Variants in CDK14 observed in about 807,000 individuals in gnomAD.
The protein encoded by CDK14 is cyclin dependent kinase 14.
In CDK14, 34 loss-of-function variants were observed where a neutral mutation model predicts 60.7. That is an observed-to-expected ratio of 0.56 (90% CI 0.43 to 0.75). CDK14 has a LOEUF of 0.75. Ranked by LOEUF, CDK14 falls within the 30% of genes least tolerant of loss-of-function variation. The pLI, the probability that CDK14 is intolerant of heterozygous loss-of-function variation, is 0.00. For missense variants in CDK14, 482 were observed against 564.1 expected (o/e 0.85, Z 1.47); for synonymous variants, 197 against 203.7 (o/e 0.97, Z 0.28).
intron 6 of CDK14, among the ~76,000 whole-genome samples, chr7:90,870,654 G>A (rs1791341723): frequency 6.6e-6 from 1 of 151,920 alleles, no homozygotes; most frequent in South Asian, 2.1e-4. Flanking sequence ...TCCCAGATAA[G>A]GTAAATCTAG....
chr7:90,739,965 G>A (rs560490629), intron 3 of CDK14, among the ~76,000 whole-genome samples: 14 of 152,006 alleles, frequency 9.2e-5, no homozygotes, highest in Non-Finnish European at 1.3e-4. Flanking sequence ...CTAGTCAGGC[G>A]ACTTTGAATG....
chr7:90,783,542 CA>C (rs1216485638), intron 4 of CDK14, among the ~76,000 whole-genome samples: 3 of 151,996 alleles, frequency 2.0e-5, no homozygotes, highest in Non-Finnish European at 4.4e-5. Flanking sequence ...AACCAGAATA[CA>C]TAAGGAACTC....
At position 90,899,343 on chromosome 7, in the gene CDK14, A is replaced by G. The variant is rs1233157690; in HGVS notation, c.692A>G (p.Asp231Gly). The change falls in exon 7 of 15, where the codon GAT (aspartate) becomes GGT (glycine). Residue 231 changes from aspartate to glycine, a missense_variant. Physicochemically the swap from Asp to Gly is moderately conservative, Grantham distance 94 (BLOSUM62 -1). Transcript: ENST00000380050. ...AAGCACCCTGGGGGGCTGCATCCAG[A>G]TAATGTGAAGGTAGGAAAAGATCTT... ...MDKHPGGLHP[D>G]NVKLFLFQLL... is the part of the protein sequence containing the mutation. The G allele has an allele frequency of 5.7e-5, 91 of 1,598,998 alleles. 1 individual carries two copies. The Admixed American group carries it at 1.5e-3, about 27-fold the overall frequency.
At chr7:90,855,513 G>C (rs1293388201) in intron 5 of CDK14, among the ~76,000 whole-genome samples, 1 of 152,090 alleles carries the variant, frequency 6.6e-6, no homozygotes, top group African/African-American at 2.4e-5. Context: ...ATATATGTAG[G>C]ATATTAAATT....
chr7:90,798,891 T>C (rs1312829807), intron 5 of CDK14, among the ~76,000 whole-genome samples: 2 of 152,220 alleles, frequency 1.3e-5, no homozygotes, highest in African/African-American at 2.4e-5. Flanking sequence ...TTTAGAATCA[T>C]TATATGGCAT....
intron 5 of CDK14, among the ~76,000 whole-genome samples, chr7:90,831,924 C>T (rs948242707): frequency 2.6e-5 from 4 of 152,104 alleles, no homozygotes; most frequent in African/African-American, 4.8e-5. Context: ...GAGGTTCCCC[C>T]TCAGAACCTT....
intron 7 of CDK14, among the ~76,000 whole-genome samples, chr7:90,900,711 T>C (rs898594182): frequency 2.7e-4 from 41 of 152,164 alleles, no homozygotes. Context: ...ACAGTGGAAA[T>C]GAGCAGATCC....
At chr7:91,184,530 T>A (rs975134708) in intron 14 of CDK14, among the ~76,000 whole-genome samples, 4 of 151,744 alleles carry the variant, frequency 2.6e-5, no homozygotes, top group African/African-American at 9.7e-5. Context: ...AAGCTGAGAG[T>A]CAAAAGCTAG....
At chr7:91,000,549 G>GT (rs775566802) in intron 10 of CDK14, among the ~76,000 whole-genome samples, 6 of 152,216 alleles carry the variant, frequency 3.9e-5, no homozygotes, top group East Asian at 1.9e-4. Context: ...AGTATAAGTA[G>GT]TTTATTAAGG....
At chr7:91,034,256 G>A (rs1184930176) in intron 10 of CDK14, among the ~76,000 whole-genome samples, 1 of 152,160 alleles carries the variant, frequency 6.6e-6, no homozygotes, top group African/African-American at 2.4e-5. Context: ...CCGGGCTGAT[G>A]TTAGAATCAC....
chr7:90,673,753 G>A (rs1215187841), intron 2 of CDK14, among the ~76,000 whole-genome samples: 2 of 152,078 alleles, frequency 1.3e-5, no homozygotes, highest in African/African-American at 4.8e-5. Flanking sequence ...ATAATTTCAT[G>A]CCTTATTTGT....
At chr7:90,931,518 C>T (rs769191501) in intron 8 of CDK14, among the ~76,000 whole-genome samples, 2 of 152,224 alleles carry the variant, frequency 1.3e-5, no homozygotes, top group Non-Finnish European at 2.9e-5. Context: ...CCTCTGCAAG[C>T]TGCTCTGTCC....
chr7:90,939,558 A>G (rs754532883), intron 8 of CDK14, among the ~76,000 whole-genome samples: 7 of 152,212 alleles, frequency 4.6e-5, no homozygotes, highest in Admixed American at 2.0e-4. Context: ...GGTTATTAGT[A>G]CAGTCTTCTT....
At chr7:90,982,721 T>A (rs1041162045) in intron 9 of CDK14, among the ~76,000 whole-genome samples, 1 of 152,172 alleles carries the variant, frequency 6.6e-6, no homozygotes, top group Admixed American at 6.5e-5. Flanking sequence ...TGGTTTCCAC[T>A]CTTTTCTGAG....
chr7:90,639,404 G>T (rs998976664), intron 2 of CDK14, among the ~76,000 whole-genome samples: 13 of 152,084 alleles, frequency 8.5e-5, no homozygotes, highest in African/African-American at 2.4e-4. Flanking sequence ...TCCAGACCCT[G>T]TTTGCCTGGG....
chr7:91,126,507 A>T (rs746636506), intron 14 of CDK14, among the ~76,000 whole-genome samples: 4 of 152,210 alleles, frequency 2.6e-5, no homozygotes, highest in African/African-American at 9.6e-5. Context: ...TATAGCACAT[A>T]ATTAATTCTG....
intron 14 of CDK14, among the ~76,000 whole-genome samples, chr7:91,160,173 A>T (rs1801124616): frequency 1.3e-5 from 2 of 152,194 alleles, no homozygotes; most frequent in Non-Finnish European, 2.9e-5. Flanking sequence ...AATGAAGATG[A>T]AAGAAAATGA....
At chr7:90,615,400 T>C (rs989188913) in intron 2 of CDK14, among the ~76,000 whole-genome samples, 14 of 152,342 alleles carry the variant, frequency 9.2e-5, no homozygotes, top group Admixed American at 4.6e-4. Flanking sequence ...AAGATGTCTA[T>C]AAAGTGTGGT....
Position 90,960,986 on chromosome 7 carries a change from A to G in CDK14, c.947+5169A>G, listed in dbSNP as rs115625564. ...ATTTTAATTACTTACCTATTTTACC[A>G]TGATACAGTGAAAGAAAACCAAACC... On this transcript the variant is annotated intron_variant, in intron 9 of 14. Coordinates refer to ENST00000380050, the MANE Select transcript of CDK14 (RefSeq NM_001287135.2). Among the ~76,000 whole-genome samples the G allele has an allele frequency of 7.4e-3, 1,127 of 152,248 alleles. 19 individuals carry two copies. The highest frequency in any genetic ancestry group is 0.026 in the African/African-American group (1,090 of 41,560).
Sources: allele counts gnomAD v4.1 joint callset (sites outside exome capture counted in the v4.1 genomes callset), GRCh38; gene constraint gnomAD v4.1.1; transcripts MANE v1.5; gene names NCBI Gene and HGNC (gene_info 2026-07-23, HGNC 2026-07-21).